ANO2: variants seen among roughly 807,000 people sequenced by gnomAD.
The protein encoded by ANO2 is anoctamin 2, also known as anoctamin-2.
A neutral mutation model predicts 124.2 loss-of-function variants in ANO2; 101 were observed. The observed-to-expected ratio is 0.81, with a 90% CI of 0.69 to 0.96. ANO2 has a LOEUF of 0.96. Among genes scored for constraint, ANO2 ranks in the 40% least tolerant of loss-of-function variants. The probability of loss-of-function intolerance (pLI) is 0.00; values close to 1 mark genes in which losing one functional copy is unlikely to be tolerated. For synonymous variants in ANO2, 486 were observed against 482.5 expected, an observed-to-expected ratio of 1.01 and a Z score of -0.09; for missense variants, 1,293 against 1,274.5, an observed-to-expected ratio of 1.01 and a Z score of -0.22.
intron 3 of ANO2, among the ~76,000 whole-genome samples, chr12:5,878,214 G>A (rs1938238869): frequency 6.6e-6 from 1 of 152,228 alleles, no homozygotes; most frequent in Non-Finnish European, 1.5e-5. Context: ...TGTGCGTGAT[G>A]TATTTTATCT....
At chr12:5,785,448 G>C (rs1206630583) in intron 10 of ANO2, among the ~76,000 whole-genome samples, 7 of 152,038 alleles carry the variant, frequency 4.6e-5, no homozygotes, top group Non-Finnish European at 1.0e-4. Context: ...CTGCTCACTG[G>C]TCCTGCAAGC....
chr12:5,642,345 A>T (rs1946428316), intron 15 of ANO2, among the ~76,000 whole-genome samples: 1 of 151,742 alleles, frequency 6.6e-6, no homozygotes, highest in South Asian at 2.1e-4. Context: ...TCTTCCCTGA[A>T]CTCCAGACTC....
At chr12:5,912,763 C>T (rs1435407185) in intron 3 of ANO2, among the ~76,000 whole-genome samples, 1 of 152,192 alleles carries the variant, frequency 6.6e-6, no homozygotes, top group Non-Finnish European at 1.5e-5. Context: ...CAGCCTGCTG[C>T]CTCAGGGTGG....
At chr12:5,692,668 T>G (rs1948994507) in intron 14 of ANO2, among the ~76,000 whole-genome samples, 1 of 152,128 alleles carries the variant, frequency 6.6e-6, no homozygotes, top group South Asian at 2.1e-4. Flanking sequence ...CATGCAGTTT[T>G]CCTGTGAAAC....
At chr12:5,928,474 A>AGTCTACTTTCCTTCCTCACTG (rs1942196289) in intron 1 of ANO2, among the ~76,000 whole-genome samples, 1 of 145,216 alleles carries the variant, frequency 6.9e-6, no homozygotes, top group Non-Finnish European at 1.5e-5. Context: ...CTTCGTCACT[A>AGTCTACTTTCCTTCCTCACTG]GTCTACTTTC....
intron 14 of ANO2, among the ~76,000 whole-genome samples, chr12:5,718,812 G>A (rs1565604451): frequency 6.6e-6 from 1 of 152,194 alleles, no homozygotes; most frequent in Non-Finnish European, 1.5e-5. Context: ...TGCAGTGGCT[G>A]TAACTCTTCA....
intron 1 of ANO2, among the ~76,000 whole-genome samples, chr12:5,923,200 GCACACACACCCACATACA>G (rs1392861708): frequency 1.4e-5 from 1 of 72,610 alleles, no homozygotes. Flanking sequence ...ACACACGCAC[GCACACACACCCACATACA>G]CACACACATG....
At chr12:5,647,667 G>A (rs371059381) in intron 15 of ANO2, 60 bp downstream of exon 15, 1 of 1,271,200 alleles carries the variant, frequency 7.9e-7, no homozygotes, top group Non-Finnish European at 1.1e-6. Flanking sequence ...ACCCACAGTA[G>A]TCACATAACA....
chr12:5,625,080 T>C (rs1047260380), intron 16 of ANO2, among the ~76,000 whole-genome samples: 3 of 152,092 alleles, frequency 2.0e-5, no homozygotes, highest in East Asian at 3.9e-4. Context: ...GGAGAGTAAA[T>C]GTGTGGCTCT....
intron 10 of ANO2, among the ~76,000 whole-genome samples, chr12:5,798,371 G>A (rs778684618): frequency 1.1e-4 from 16 of 152,102 alleles, no homozygotes; most frequent in Non-Finnish European, 2.2e-4. Context: ...TCCGCTGGGA[G>A]GGCCGCTGCA....
chr12:5,909,746 CGTGCCCAGAGA>C (rs1940932660), intron 3 of ANO2, among the ~76,000 whole-genome samples: 1 of 152,190 alleles, frequency 6.6e-6, no homozygotes, highest in African/African-American at 2.4e-5. Flanking sequence ...CTGGGCAGTG[CGTGCCCAGAGA>C]GCAGGCGGTG....
chr12:5,563,305 A>G lies in ANO2; in HGVS notation c.2991T>C (p.Asn997=). The part of the protein sequence containing the change: ...SMMSSGSQHT[N]V ...CTGCTGCAGGCTGAACTGCTCACAC[A>G]TTGGTGTGCTGAGAGCCTGACGACA... The change falls in exon 25 of 25, where the codon AAT becomes AAC. Residue 997 remains asparagine, a synonymous_variant. Coordinates refer to ENST00000682330, the MANE Select transcript of ANO2 (RefSeq NM_001364791.2). 1 of 1,598,294 alleles carries G rather than the reference A, an allele frequency of 6.3e-7. No homozygotes were observed. Among genetic ancestry groups the G allele is most frequent in the Non-Finnish European group, 8.5e-7 (1 of 1,176,336 alleles).
intron 16 of ANO2, among the ~76,000 whole-genome samples, chr12:5,630,421 T>C (rs1945659062): frequency 1.3e-5 from 2 of 152,174 alleles, no homozygotes; most frequent in Admixed American, 6.5e-5. Context: ...TCTCTGTTAG[T>C]GTGGGTATTC....
chr12:5,915,523 T>A (rs1941328337), intron 3 of ANO2, among the ~76,000 whole-genome samples: 1 of 152,240 alleles, frequency 6.6e-6, no homozygotes, highest in African/African-American at 2.4e-5. Flanking sequence ...GAATCATTTT[T>A]AATGGGTCTC....
intron 1 of ANO2, among the ~76,000 whole-genome samples, chr12:5,943,277 T>TTGTG (rs138167836): frequency 0.012 from 1,795 of 148,458 alleles, 39 homozygotes; most frequent in African/African-American, 0.041. Context: ...GAGTGTGTGT[T>TTGTG]TGTGTGTGTG....
intron 7 of ANO2, among the ~76,000 whole-genome samples, chr12:5,815,510 A>G (rs968152299): frequency 7.5e-4 from 114 of 152,276 alleles, no homozygotes; most frequent in African/African-American, 2.6e-3. Context: ...TGTGGAGAAT[A>G]TATGTAGACA....
At chr12:5,881,363 G>A (rs898378706) in intron 3 of ANO2, among the ~76,000 whole-genome samples, 1 of 152,124 alleles carries the variant, frequency 6.6e-6, no homozygotes, top group Non-Finnish European at 1.5e-5. Flanking sequence ...CTGGGGGAAT[G>A]GAAAAACTCA....
At chr12:5,667,881 T>C (rs1317387879) in intron 14 of ANO2, among the ~76,000 whole-genome samples, 1 of 152,250 alleles carries the variant, frequency 6.6e-6, no homozygotes, top group East Asian at 1.9e-4. Context: ...AAGAACATAA[T>C]AACATTCCTT....
At chr12:5,667,826 A>C (rs1947803945) in intron 14 of ANO2, among the ~76,000 whole-genome samples, 1 of 152,206 alleles carries the variant, frequency 6.6e-6, no homozygotes, top group African/African-American at 2.4e-5. Context: ...TTCCTGGATT[A>C]GTTTGCTGAG....
Sources: allele counts gnomAD v4.1 joint callset (sites outside exome capture counted in the v4.1 genomes callset), GRCh38; gene constraint gnomAD v4.1.1; transcripts MANE v1.5; gene names NCBI Gene and HGNC (gene_info 2026-07-23, HGNC 2026-07-21).